The following TRAT1 variants were observed in gnomAD, a reference collection of about 807,000 sequenced individuals.
TRAT1 encodes the protein T-cell receptor-associated transmembrane adapter 1.
TRAT1 carries 20 observed loss-of-function variants against 20.0 expected under a neutral mutation model. The ratio of observed to expected loss-of-function variants is 1.00; its 90% CI spans 0.70 to 1.45. The LOEUF is 1.45. TRAT1 is among the 40% of genes most tolerant of loss of function. TRAT1 has a pLI of 0.00. For missense variants in TRAT1, 237 were observed against 224.1 expected (o/e 1.06, Z -0.37); for synonymous variants, 77 against 74.2 (o/e 1.04, Z -0.20).
chr3:108,843,684 C>T (rs1483633474), intron 3 of TRAT1, among the ~76,000 whole-genome samples: 1 of 152,138 alleles, frequency 6.6e-6, no homozygotes, highest in African/African-American at 2.4e-5. Context: ...TTCCTCTTTT[C>T]CTCTTCTTTC....
At position 108,853,604 on chromosome 3, in the gene TRAT1, C is replaced by T; in HGVS notation, c.304-16C>T. The T allele has an allele frequency of 4.4e-6, 7 of 1,607,112 alleles. No individual in the cohort carries two copies. The highest frequency in any genetic ancestry group is 5.1e-6 in the Non-Finnish European group (6 of 1,176,000). ...GAACAGACTAACAATGAAAAATTAA[C>T]ATCCCTTTCTTTTAGGCAACCAATG... On this transcript the variant is annotated splice_polypyrimidine_tract_variant and intron_variant, in intron 5 of 5. Coordinates refer to ENST00000295756, the MANE Select transcript of TRAT1 (RefSeq NM_016388.4).
intron 3 of TRAT1, among the ~76,000 whole-genome samples, chr3:108,846,568 A>G (rs1945944729): frequency 6.6e-6 from 1 of 152,156 alleles, no homozygotes; most frequent in African/African-American, 2.4e-5. Flanking sequence ...GATTGTTTGG[A>G]CTGATATTCT....
chr3:108,851,537 G>T (rs1945998143), intron 5 of TRAT1, among the ~76,000 whole-genome samples: 1 of 149,984 alleles, frequency 6.7e-6, no homozygotes. Context: ...TCAGGATCTT[G>T]TACTTTCAAT....
At chr3:108,853,533 T>C in intron 5 of TRAT1, 87 bp from the exon 6 acceptor site, 1 of 1,484,796 alleles carries the variant, frequency 6.7e-7, no homozygotes. Flanking sequence ...GAAAACAAGT[T>C]ACTTGGTTTT....
intron 5 of TRAT1, among the ~76,000 whole-genome samples, chr3:108,849,733 G>C (rs1945981306): frequency 6.6e-6 from 1 of 152,178 alleles, no homozygotes; most frequent in Non-Finnish European, 1.5e-5. Context: ...TGTGGCTGTG[G>C]TCTTATGGCA....
At chr3:108,848,520 A>G (rs536723814) in intron 4 of TRAT1, among the ~76,000 whole-genome samples, 2 of 152,314 alleles carry the variant, frequency 1.3e-5, no homozygotes, top group Non-Finnish European at 2.9e-5. Context: ...TTCAAAAGGC[A>G]TGTCCCCATA....
intron 2 of TRAT1, among the ~76,000 whole-genome samples, chr3:108,838,353 AGAT>A (rs551408441): frequency 3.1e-3 from 115 of 37,092 alleles, no homozygotes; most frequent in African/African-American, 0.027. Flanking sequence ...AGATATAGAT[AGAT>A]GATAGATAGA....
At chr3:108,826,007 C>G (rs541636637) in intron 1 of TRAT1, among the ~76,000 whole-genome samples, 1 of 152,224 alleles carries the variant, frequency 6.6e-6, no homozygotes, top group African/African-American at 2.4e-5. Flanking sequence ...GTTTACCAAT[C>G]TCAGGTAAAG....
chr3:108,852,524 C>T (rs377745194), intron 5 of TRAT1, among the ~76,000 whole-genome samples: 1 of 152,138 alleles, frequency 6.6e-6, no homozygotes, highest in Admixed American at 6.5e-5. Flanking sequence ...TGCTTACTTA[C>T]GCATTAGAAA....
chr3:108,838,012 G>T (rs898236377), intron 2 of TRAT1, among the ~76,000 whole-genome samples: 11 of 152,128 alleles, frequency 7.2e-5, no homozygotes, highest in African/African-American at 2.7e-4. Flanking sequence ...CTCATTCAAG[G>T]TTTAACAGTG....
intron 5 of TRAT1, among the ~76,000 whole-genome samples, chr3:108,852,651 T>G (rs1490344358): frequency 1.3e-5 from 2 of 152,348 alleles, no homozygotes; most frequent in African/African-American, 4.8e-5. Flanking sequence ...ATGGCTGTCT[T>G]AAAGTTTTAG....
Position 108,830,786 on chromosome 3 carries a change from A to C in TRAT1, c.118+6A>C, listed in dbSNP as rs539870574. The C allele has an allele frequency of 6.3e-7, 1 of 1,586,268 alleles. No homozygotes were observed. Among genetic ancestry groups the C allele is most frequent in the East Asian group, 2.2e-5 (1 of 44,750 alleles). ...TGTGGAAAAGCAACGACAAGGTAAG[A>C]CATTTTGACAAATTTCACATGGTAC... On this transcript the variant is annotated splice_donor_region_variant and intron_variant, in intron 2 of 5. Transcript: ENST00000295756.
chr3:108,827,985 C>T (rs1247509069), intron 1 of TRAT1, among the ~76,000 whole-genome samples: 2 of 152,028 alleles, frequency 1.3e-5, no homozygotes, highest in African/African-American at 4.8e-5. Flanking sequence ...AATTAATGGA[C>T]TAACACAACT....
chr3:108,838,854 C>G, intron 2 of TRAT1, 80 bp from the exon 3 acceptor site: 1 of 1,086,348 alleles, frequency 9.2e-7, no homozygotes, highest in South Asian at 1.3e-5. Context: ...AGGCTAAACT[C>G]CCCTCAGAAC....
At chr3:108,827,742 G>A (rs145035271) in intron 1 of TRAT1, among the ~76,000 whole-genome samples, 169 of 152,202 alleles carry the variant, frequency 1.1e-3, no homozygotes, top group Middle Eastern at 6.8e-3. Flanking sequence ...AACTTAGATT[G>A]TGTTTTAAAA....
intron 5 of TRAT1, among the ~76,000 whole-genome samples, chr3:108,849,936 T>C (rs1176730081): frequency 6.6e-6 from 1 of 152,250 alleles, no homozygotes. Flanking sequence ...TGAAATGCTA[T>C]ACATTTCAAT....
At chr3:108,845,020 C>T (rs1331561027) in intron 3 of TRAT1, among the ~76,000 whole-genome samples, 1 of 152,016 alleles carries the variant, frequency 6.6e-6, no homozygotes, top group Non-Finnish European at 1.5e-5. Flanking sequence ...AGAGTCTGGT[C>T]TGGCTGAAAA....
chr3:108,847,733 A>G (rs1032322025), intron 4 of TRAT1, among the ~76,000 whole-genome samples: 5 of 152,212 alleles, frequency 3.3e-5, no homozygotes, highest in African/African-American at 9.6e-5. Flanking sequence ...TTCTCCAAAC[A>G]GATAACCTTG....
intron 1 of TRAT1, among the ~76,000 whole-genome samples, chr3:108,827,376 ATGTGTGTATGTGT>A (rs1559819543): frequency 2.8e-4 from 30 of 108,870 alleles, no homozygotes; most frequent in African/African-American, 9.3e-4. Flanking sequence ...GGTATAAAGT[ATGTGTGTATGTGT>A]GTGTGTGTGT....
Sources: allele counts gnomAD v4.1 joint callset (sites outside exome capture counted in the v4.1 genomes callset), GRCh38; gene constraint gnomAD v4.1.1; transcripts MANE v1.5; gene names NCBI Gene and HGNC (gene_info 2026-07-23, HGNC 2026-07-21).